The following JAZF1 variants were observed in gnomAD, a reference collection of about 807,000 sequenced individuals.
JAZF1 encodes JAZF zinc finger 1.
Under a neutral mutation model 26.4 loss-of-function variants are expected in JAZF1, and 8 were observed. The observed-to-expected ratio is 0.30, with a 90% CI of 0.18 to 0.55. JAZF1 has a LOEUF of 0.55. JAZF1 is among the 20% of genes least tolerant of loss of function. JAZF1 has a pLI of 0.94. For missense variants in JAZF1, 199 were observed against 322.0 expected, an observed-to-expected ratio of 0.62 and a Z score of 2.92; for synonymous variants, 126 against 122.3, an observed-to-expected ratio of 1.03 and a Z score of -0.20.
intron 1 of JAZF1, among the ~76,000 whole-genome samples, chr7:28,039,119 C>T (rs1017985604): frequency 1.1e-4 from 17 of 152,138 alleles, no homozygotes; most frequent in African/African-American, 4.1e-4. Flanking sequence ...GCATATGGAA[C>T]GTAAGCTCAT....
intron 3 of JAZF1, among the ~76,000 whole-genome samples, chr7:27,867,273 C>T (rs1029524238): frequency 3.9e-5 from 6 of 152,138 alleles, no homozygotes; most frequent in Non-Finnish European, 8.8e-5. Context: ...CCAGCCAAAA[C>T]CAGTTTCTAC....
At chr7:27,897,947 A>G (rs1784099396) in intron 2 of JAZF1, among the ~76,000 whole-genome samples, 1 of 152,244 alleles carries the variant, frequency 6.6e-6, no homozygotes, top group African/African-American at 2.4e-5. Flanking sequence ...CGGGGCAATA[A>G]CATTTCAACT....
rs1010147096 is a variant in JAZF1, at chr7:28,039,762, G to A, written c.116-47781C>T. On this transcript the variant is annotated intron_variant, in intron 1 of 4. Transcript: ENST00000283928. ...TTCTTACTTTAATTTAAAATTCAAC[G>A]TGTATATGTCTCCTTCCCCCCGCCC... Among the ~76,000 whole-genome samples the A allele has an allele frequency of 2.6e-5, 4 of 152,142 alleles. 1 individual carries two copies. Among genetic ancestry groups the A allele is most frequent in the Admixed American group, 6.5e-5 (1 of 15,274 alleles).
At chr7:28,134,641 T>C (rs1170837521) in intron 1 of JAZF1, among the ~76,000 whole-genome samples, 2 of 63,664 alleles carry the variant, frequency 3.1e-5, no homozygotes, top group East Asian at 8.5e-3. Context: ...TTACCAATAT[T>C]TGTCTTTTTG....
intron 1 of JAZF1, among the ~76,000 whole-genome samples, chr7:28,040,929 A>G (rs1783379432): frequency 6.6e-6 from 1 of 152,172 alleles, no homozygotes; most frequent in Non-Finnish European, 1.5e-5. Flanking sequence ...AATTCAACAT[A>G]GCAGACACTA....
chr7:27,877,414 C>A (rs532726772), intron 3 of JAZF1, among the ~76,000 whole-genome samples: 1 of 152,248 alleles, frequency 6.6e-6, no homozygotes, highest in South Asian at 2.1e-4. Flanking sequence ...GTAAAATGCT[C>A]CCCCAAATGT....
rs1004778957 is a variant in JAZF1 at position 28,119,063 on chromosome 7, A to T, written c.115+61400T>A. 7.6e-4 allele frequency among the ~76,000 whole-genome samples: 115 copies of T among 152,288 alleles called. 1 individual carries two copies. Among genetic ancestry groups the T allele is most frequent in the African/African-American group, 2.7e-3 (111 of 41,564 alleles). On this transcript the variant is annotated intron_variant, in intron 1 of 4. Transcript: ENST00000283928. ...AGACCTCTGTGCTGTTAAAAGAAAC[A>T]GTTGAACTGGAAGCCAACAGCTCTG... is the stretch of plus-strand genomic sequence containing the variant.
At chr7:28,166,609 G>C (rs1370464664) in intron 1 of JAZF1, among the ~76,000 whole-genome samples, 1 of 152,088 alleles carries the variant, frequency 6.6e-6, no homozygotes. Context: ...TGCTTATATA[G>C]ATTAACAAAC....
intron 1 of JAZF1, among the ~76,000 whole-genome samples, chr7:28,044,528 T>C (rs1247995349): frequency 6.6e-6 from 1 of 152,182 alleles, no homozygotes; most frequent in Admixed American, 6.5e-5. Context: ...TGAGGTGATA[T>C]GCCAAAAATT....
Position 27,840,563 on chromosome 7 carries a change from G to C in JAZF1, c.555+135C>G. Reference sequence around the variant, plus strand: ...GTGTGCACACAGGGGTGAGGCCCACGCACTCTAATGCAGGAGAGGGGAGTG... The same window carrying C: ...GTGTGCACACAGGGGTGAGGCCCACCCACTCTAATGCAGGAGAGGGGAGTG... On this transcript the variant is annotated intron_variant, in intron 4 of 4. Transcript: ENST00000283928. The surrounding 1 kb of genome is among the most constrained non-coding windows in gnomAD (Gnocchi z 5.1). The C allele has an allele frequency of 7.8e-6, 7 of 893,370 alleles. No homozygotes were observed. Among genetic ancestry groups the C allele is most frequent in the Non-Finnish European group, 1.2e-5 (7 of 571,142 alleles). The allele number at this position is 893,370 out of a possible 1,614,324, so 55.3% of individuals were successfully genotyped here. A position where few individuals can be genotyped will look rare whatever the true frequency, so the allele number is the denominator to read the frequency against.
intron 3 of JAZF1, among the ~76,000 whole-genome samples, chr7:27,855,862 A>G (rs1783239537): frequency 6.6e-6 from 1 of 152,214 alleles, no homozygotes; most frequent in African/African-American, 2.4e-5. Flanking sequence ...AACTCATTTT[A>G]TGAGGCCAGC....
At chr7:28,006,799 T>C (rs1431419553) in intron 1 of JAZF1, among the ~76,000 whole-genome samples, 1 of 152,230 alleles carries the variant, frequency 6.6e-6, no homozygotes, top group Admixed American at 6.5e-5. Flanking sequence ...CATGGAGCCC[T>C]GAAACACTGT....
chr7:27,930,668 T>G (rs1214817198), intron 2 of JAZF1, among the ~76,000 whole-genome samples: 3 of 152,210 alleles, frequency 2.0e-5, no homozygotes, highest in African/African-American at 7.2e-5. Context: ...GTTCAGTTAT[T>G]TTTAGACACT....
At chr7:27,856,221 G>A (rs534738267) in intron 3 of JAZF1, among the ~76,000 whole-genome samples, 95 of 152,304 alleles carry the variant, frequency 6.2e-4, no homozygotes, top group Non-Finnish European at 1.1e-3. Context: ...GCTGGCTCAG[G>A]AGTGAAGCTG....
intron 2 of JAZF1, among the ~76,000 whole-genome samples, chr7:27,976,816 C>T (rs574701852): frequency 1.3e-5 from 2 of 152,164 alleles, no homozygotes; most frequent in Non-Finnish European, 2.9e-5. Context: ...TTTTATGAGG[C>T]TATGGCTGAC....
intron 1 of JAZF1, among the ~76,000 whole-genome samples, chr7:28,100,909 A>AAAAAC (rs1210123607): frequency 6.6e-6 from 1 of 152,222 alleles, no homozygotes; most frequent in Non-Finnish European, 1.5e-5. Flanking sequence ...AAAAACTGGA[A>AAAAAC]AAAACAAAAC....
At chr7:28,055,999 A>G (rs927855418) in intron 1 of JAZF1, among the ~76,000 whole-genome samples, 2 of 152,190 alleles carry the variant, frequency 1.3e-5, no homozygotes, top group East Asian at 3.8e-4. Flanking sequence ...TCTGCCTGAT[A>G]CTACAGCTAC....
At chr7:28,119,548 C>G (rs991466027) in intron 1 of JAZF1, among the ~76,000 whole-genome samples, 1 of 152,044 alleles carries the variant, frequency 6.6e-6, no homozygotes, top group South Asian at 2.1e-4. Flanking sequence ...TATTTCAGAC[C>G]CTCCCCATGA....
Position 27,946,302 on chromosome 7 carries a change from CT to C in JAZF1, c.188+45606del, listed in dbSNP as rs145143910. Among the ~76,000 whole-genome samples the C allele has an allele frequency of 9.3e-3, 1,409 of 152,248 alleles. 26 individuals are homozygous for C. Among genetic ancestry groups the C allele is most frequent in the African/African-American group, 0.032 (1,349 of 41,554 alleles). On this transcript the variant is annotated intron_variant, in intron 2 of 4. Transcript: ENST00000283928. ...TAGTTTAAAAGGGAAATTAAATGTT[CT>C]GGTTACCACACACACCAAATAAAGA...
Sources: allele counts gnomAD v4.1 joint callset (sites outside exome capture counted in the v4.1 genomes callset), GRCh38; gene constraint gnomAD v4.1.1; non-coding constraint Gnocchi (gnomAD v3.1); transcripts MANE v1.5; gene names NCBI Gene and HGNC (gene_info 2026-07-23, HGNC 2026-07-21).